The following OSGIN2 variants were observed in gnomAD, a reference collection of about 807,000 sequenced individuals.
OSGIN2 encodes oxidative stress-induced growth inhibitor 2.
Under a neutral mutation model 53.8 loss-of-function variants are expected in OSGIN2, and 19 were observed. The observed-to-expected ratio is 0.35, with a 90% CI of 0.25 to 0.52. The LOEUF (loss-of-function observed/expected upper bound fraction) is 0.52, where lower values mean the gene tolerates loss of function less well. OSGIN2 is among the 20% of genes least tolerant of loss of function. OSGIN2 has a pLI of 0.95. For synonymous variants in OSGIN2, 236 were observed against 236.0 expected, an observed-to-expected ratio of 1.00 and a Z score of 0.00; for missense variants, 520 against 662.7, an observed-to-expected ratio of 0.78 and a Z score of 2.36.
At chr8:89,903,809 A>G (rs1808781175) in intron 1 of OSGIN2, among the ~76,000 whole-genome samples, 1 of 152,254 alleles carries the variant, frequency 6.6e-6, no homozygotes, top group African/African-American at 2.4e-5. Context: ...TACTGTTTAT[A>G]CTTATTCAAA....
Position 89,902,576 on chromosome 8 carries a change from C to T in OSGIN2, c.-218C>T, listed in dbSNP as rs1289513022. On this transcript the variant is annotated 5_prime_UTR_variant, in exon 1 of 6. Transcript: ENST00000451899. ...GCGCCCCGAGATCACCCGCCTCCGG[C>T]GCCTGGCTCCCTGCAGGCGAGGAGC... 1 of 153,798 alleles carries T rather than the reference C, an allele frequency of 6.5e-6. No homozygotes were observed. The highest frequency in any genetic ancestry group is 1.4e-5 in the Non-Finnish European group (1 of 69,462). 9.5% of individuals were successfully genotyped at this position (153,798 alleles called of 1,614,324 possible).
chr8:89,923,462 G>T (rs546283674), intron 5 of OSGIN2, among the ~76,000 whole-genome samples: 1 of 152,262 alleles, frequency 6.6e-6, no homozygotes, highest in South Asian at 2.1e-4. Flanking sequence ...AAGGTTTTTA[G>T]GTTTTAAGGT....
chr8:89,905,046 A>C (rs1808806366), intron 1 of OSGIN2, among the ~76,000 whole-genome samples: 1 of 152,220 alleles, frequency 6.6e-6, no homozygotes, highest in South Asian at 2.1e-4. Flanking sequence ...GGTTCCAAAG[A>C]CTATAAAAAT....
In OSGIN2 at chr8:89,902,702, C is replaced by T; in HGVS notation, c.-92C>T. The T allele has an allele frequency of 1.8e-6, 1 of 561,926 alleles. No homozygotes were observed. Among genetic ancestry groups the T allele is most frequent in the Non-Finnish European group, 2.3e-6 (1 of 435,280 alleles). The allele number at this position is 561,926 out of a possible 1,614,324, so 34.8% of individuals were successfully genotyped here. Reference sequence around the variant, plus strand: ...GGGCGCCCGGCAGACCCCGCGACCCCGAGCCAGCGGGCGCCCCGAGCGGGC... The same window carrying T: ...GGGCGCCCGGCAGACCCCGCGACCCTGAGCCAGCGGGCGCCCCGAGCGGGC... On this transcript the variant is annotated 5_prime_UTR_variant, in exon 1 of 6. Coordinates refer to ENST00000451899, the MANE Select transcript of OSGIN2 (RefSeq NM_001126111.3).
Position 89,924,499 on chromosome 8 carries a change from T to C in OSGIN2, c.621-4T>C. 2.5e-6 allele frequency: 4 copies of C among 1,572,226 alleles called. No homozygotes were observed. The highest frequency in any genetic ancestry group is 3.4e-6 in the Non-Finnish European group (4 of 1,163,374). On this transcript the variant is annotated splice_region_variant and splice_polypyrimidine_tract_variant and intron_variant, in intron 5 of 5. Transcript: ENST00000451899. ...ATAGGATATTTTTCCTTTTCCTTTT[T>C]TAGGAGCCTAAAAGGGGATCGAGTT...
rs1356892727 is a variant in OSGIN2 at position 89,924,626 on chromosome 8, C to T, written c.744C>T (p.Leu248=). ...CTTACATAACTTCCGTATCAAGACT[C>T]TACAGAGATCAAGATGATGATGATA... is the stretch of plus-strand genomic sequence containing the variant. The part of the protein sequence containing the change: ...ENTYITSVSR[L]YRDQDDDDIQ... The change falls in exon 6 of 6, where the codon CTC becomes CTT. Residue 248 remains leucine (L), a synonymous_variant. Transcript: ENST00000451899. 6.2e-7 allele frequency: 1 copy of T among 1,613,902 alleles called. No homozygotes were observed. Among genetic ancestry groups the T allele is most frequent in the South Asian group, 1.1e-5 (1 of 91,080 alleles).
chr8:89,904,298 C>G lies in OSGIN2; in HGVS notation c.44+1461C>G, dbSNP rs560569431. Among the ~76,000 whole-genome samples, 3 of 152,300 alleles carry G rather than the reference C, an allele frequency of 2.0e-5. No individual in the cohort carries two copies. In the South Asian group the frequency reaches 6.2e-4, roughly 32 times the overall value. The stretch of plus-strand genomic sequence containing the variant: ...AAAATATTGTGTGAAAGCTATTTGA[C>G]ACCTTTTGATGCACAGTGTAGGATT... On this transcript the variant is annotated intron_variant, in intron 1 of 5. Coordinates refer to ENST00000451899, the MANE Select transcript of OSGIN2 (RefSeq NM_001126111.3).
intron 1 of OSGIN2, among the ~76,000 whole-genome samples, chr8:89,907,633 C>T (rs1363698580): frequency 6.6e-6 from 1 of 152,080 alleles, no homozygotes; most frequent in Non-Finnish European, 1.5e-5. Flanking sequence ...GTTTTTGTAC[C>T]AGTACCATGC....
Position 89,921,100 on chromosome 8 carries a change from G to A in OSGIN2, c.549G>A (p.Leu183=), listed in dbSNP as rs1809191106. 4.4e-6 allele frequency: 7 copies of A among 1,596,802 alleles called. No homozygotes were observed. Among genetic ancestry groups the A allele is most frequent in the Non-Finnish European group, 6.0e-6 (7 of 1,169,240 alleles). Residue 183 remains leucine (L), a synonymous_variant, in exon 5 of 6, where the codon TTG becomes TTA. Coordinates refer to ENST00000451899, the MANE Select transcript of OSGIN2 (RefSeq NM_001126111.3). The stretch of plus-strand genomic sequence containing the variant: ...AATAGAATATGGAAGGCTCCATGTT[G>A]ACAATCAGCTTTGGAAGTTGGATGG... ...GAWHNMEGSM[L]TISFGSWMEL...
chr8:89,921,267 A>G, intron 5 of OSGIN2, 96 bp downstream of exon 5: 2 of 681,608 alleles, frequency 2.9e-6, no homozygotes, highest in Admixed American at 5.3e-5. Context: ...TGGCTGAAGA[A>G]TATAAATGTA....
intron 5 of OSGIN2, among the ~76,000 whole-genome samples, chr8:89,922,960 A>G (rs1809240449): frequency 6.6e-6 from 1 of 152,182 alleles, no homozygotes; most frequent in Non-Finnish European, 1.5e-5. Context: ...TACAAAAAGT[A>G]CAGTAAAAAT....
At chr8:89,913,561 T>C (rs1809014076) in intron 2 of OSGIN2, among the ~76,000 whole-genome samples, 1 of 152,222 alleles carries the variant, frequency 6.6e-6, no homozygotes, top group Non-Finnish European at 1.5e-5. Flanking sequence ...AGTAGGAGAC[T>C]TGTCTTTTAG....
At chr8:89,921,197 C>T in intron 5 of OSGIN2, 26 bp downstream of exon 5, 1 of 1,316,390 alleles carries the variant, frequency 7.6e-7, no homozygotes, top group Non-Finnish European at 1.1e-6. Context: ...TATTAAAATT[C>T]TTTGGTGTAC....
intron 1 of OSGIN2, among the ~76,000 whole-genome samples, chr8:89,904,330 C>G (rs1442601053): frequency 6.6e-6 from 1 of 152,170 alleles, no homozygotes; most frequent in Non-Finnish European, 1.5e-5. Context: ...GATTCATATT[C>G]TTTTGACTAA....
chr8:89,906,739 G>A lies in OSGIN2; in HGVS notation c.45-2828G>A, dbSNP rs751177810. Among the ~76,000 whole-genome samples the A allele has an allele frequency of 3.3e-5, 5 of 152,128 alleles. 1 individual carries two copies. The highest frequency in any genetic ancestry group is 4.1e-4 in the South Asian group (2 of 4,830). On this transcript the variant is annotated intron_variant, in intron 1 of 5. Coordinates refer to ENST00000451899, the MANE Select transcript of OSGIN2 (RefSeq NM_001126111.3). ...CATTGTGAATAGTGCTGCAGTGAATGTACACGTGCATTTGTCTGTATAATA... is the reference window on the plus strand; with the variant it reads ...CATTGTGAATAGTGCTGCAGTGAATATACACGTGCATTTGTCTGTATAATA...
chr8:89,903,586 A>T (rs993531232), intron 1 of OSGIN2, among the ~76,000 whole-genome samples: 3 of 152,206 alleles, frequency 2.0e-5, no homozygotes, highest in Non-Finnish European at 2.9e-5. Flanking sequence ...TCCCTGGTAA[A>T]ATATGAAATT....
chr8:89,909,455 T>C, intron 1 of OSGIN2, 112 bp from the exon 2 acceptor site: 1 of 589,096 alleles, frequency 1.7e-6, no homozygotes, highest in Non-Finnish European at 2.6e-6. Flanking sequence ...TTTGCTTCTT[T>C]TATGGAATGA....
Position 89,925,532 on chromosome 8 carries a change from AAGCAAG to A in OSGIN2, c.*1_*6del, listed in dbSNP as rs1241505301. On this transcript the variant is annotated 3_prime_UTR_variant, in exon 6 of 6. Transcript: ENST00000451899. The stretch of plus-strand genomic sequence containing the variant: ...GAGGAGGAGGAGATGGGATAGCTTA[AAGCAAG>A]TTTACAAGTAATTAAAATGGACAGT... The A allele has an allele frequency of 6.2e-7, 1 of 1,608,772 alleles. No individual in the cohort carries two copies. The highest frequency in any genetic ancestry group is 1.7e-5 in the Admixed American group (1 of 59,394).
intron 1 of OSGIN2, among the ~76,000 whole-genome samples, chr8:89,908,390 C>T (rs1808882213): frequency 6.6e-6 from 1 of 152,204 alleles, no homozygotes; most frequent in East Asian, 1.9e-4. Flanking sequence ...GAGGAAGTCT[C>T]GCCTATCCTA....
Sources: gnomAD v4.1 joint callset for allele counts (sites outside exome capture counted in the v4.1 genomes callset) on GRCh38, gnomAD v4.1.1 for gene constraint, MANE v1.5 for transcripts, NCBI Gene and HGNC (gene_info 2026-07-23, HGNC 2026-07-21) for gene names.